The following OR52N4 variants were observed in gnomAD, a reference collection of about 807,000 sequenced individuals.
OR52N4 encodes olfactory receptor 52N4.
In OR52N4, 15 loss-of-function variants were observed where a neutral mutation model predicts 15.0. The observed-to-expected ratio is 1.00, with a 90% CI of 0.67 to 1.54. OR52N4 has a LOEUF of 1.54. OR52N4 is among the 40% of genes most tolerant of loss of function. The probability of loss-of-function intolerance (pLI) is 0.00; values close to 1 mark genes in which losing one functional copy is unlikely to be tolerated. For synonymous variants in OR52N4, 143 were observed against 143.7 expected, an observed-to-expected ratio of 1.00 and a Z score of 0.03; for missense variants, 421 against 394.0, an observed-to-expected ratio of 1.07 and a Z score of -0.58.
the OR52N4 span, chr11:5,736,095 A>G: frequency 5.8e-6 from 1 of 171,110 alleles, no homozygotes; most frequent in Non-Finnish European, 1.3e-5. Flanking sequence ...ACTTCCTTTT[A>G]AGCTACTCTT....
chr11:5,745,836 T>C, the OR52N4 span, among the ~76,000 whole-genome samples: 1 of 152,216 alleles, frequency 6.6e-6, no homozygotes, highest in South Asian at 2.1e-4. Context: ...TCAGGTAACA[T>C]CACATTACTT....
At chr11:5,730,189 ATTT>A in the OR52N4 span, among the ~76,000 whole-genome samples, 48 of 110,166 alleles carry the variant, frequency 4.4e-4, no homozygotes, top group African/African-American at 1.3e-3. Context: ...AGCAGTAACC[ATTT>A]TTTTTTTTTT....
chr11:5,741,052 G>T, the OR52N4 span, among the ~76,000 whole-genome samples: 4 of 70,770 alleles, frequency 5.7e-5, 2 homozygotes, highest in African/African-American at 1.9e-4. Flanking sequence ...ACACTCTCAT[G>T]CAGGAAGATA....
the OR52N4 span, among the ~76,000 whole-genome samples, chr11:5,729,494 G>T: frequency 2.4e-3 from 372 of 152,158 alleles, 1 homozygote; most frequent in African/African-American, 8.6e-3. Context: ...TTACTTTTGT[G>T]TTCTCCAAAT....
At chr11:5,735,538 G>T in the OR52N4 span, among the ~76,000 whole-genome samples, 8 of 151,990 alleles carry the variant, frequency 5.3e-5, no homozygotes, top group Admixed American at 5.2e-4. Context: ...CAGGCAGGTT[G>T]CAGAAAGCAT....
At chr11:5,743,945 T>C in the OR52N4 span, among the ~76,000 whole-genome samples, 1 of 152,052 alleles carries the variant, frequency 6.6e-6, no homozygotes, top group African/African-American at 2.4e-5. Flanking sequence ...GAAAGTTGGT[T>C]CTTTGAAAAG....
chr11:5,733,191 C>T, the OR52N4 span, among the ~76,000 whole-genome samples: 1 of 152,144 alleles, frequency 6.6e-6, no homozygotes, highest in Non-Finnish European at 1.5e-5. Context: ...CTCCATATTG[C>T]TTTAGCATAA....
the OR52N4 span, among the ~76,000 whole-genome samples, chr11:5,746,866 T>C: frequency 1.3e-5 from 2 of 152,110 alleles, no homozygotes; most frequent in Non-Finnish European, 2.9e-5. Context: ...TGTATGATTA[T>C]CTCAGCACTA....
chr11:5,732,826 G>T, the OR52N4 span, among the ~76,000 whole-genome samples: 1 of 151,966 alleles, frequency 6.6e-6, no homozygotes, highest in East Asian at 1.9e-4. Context: ...TAATCTCTTG[G>T]ATGCTTCAAA....
At chr11:5,732,599 T>C in the OR52N4 span, among the ~76,000 whole-genome samples, 1 of 152,184 alleles carries the variant, frequency 6.6e-6, no homozygotes. Context: ...TCTTTTTCTT[T>C]CTCAACATTT....
At chr11:5,729,067 T>G in the OR52N4 span, among the ~76,000 whole-genome samples, 1 of 149,020 alleles carries the variant, frequency 6.7e-6, no homozygotes. Flanking sequence ...GACCCCGGTG[T>G]GTGATGTTCC....
chr11:5,751,627 GTCAT>G (rs1254801052), upstream of OR52N4, among the ~76,000 whole-genome samples: 1 of 152,150 alleles, frequency 6.6e-6, no homozygotes, highest in African/African-American at 2.4e-5. Context: ...TTTCGGGTGA[GTCAT>G]TCACTTTTTC....
At chr11:5,733,115 C>G in the OR52N4 span, among the ~76,000 whole-genome samples, 2 of 152,258 alleles carry the variant, frequency 1.3e-5, no homozygotes, top group East Asian at 3.9e-4. Flanking sequence ...TATATTTATT[C>G]TTGCCATGTA....
upstream of OR52N4, among the ~76,000 whole-genome samples, chr11:5,751,248 C>T (rs1236204136): frequency 6.6e-6 from 1 of 152,010 alleles, no homozygotes; most frequent in East Asian, 1.9e-4. Context: ...CTGATGAAAT[C>T]TTATACTGCA....
the OR52N4 span, among the ~76,000 whole-genome samples, chr11:5,745,293 A>G: frequency 1.3e-5 from 2 of 152,176 alleles, no homozygotes; most frequent in Non-Finnish European, 2.9e-5. Context: ...TATATGTAGA[A>G]AACCCTAAAG....
chr11:5,733,169 C>T, the OR52N4 span, among the ~76,000 whole-genome samples: 1 of 152,124 alleles, frequency 6.6e-6, no homozygotes, highest in Non-Finnish European at 1.5e-5. Context: ...TTATCCTAAA[C>T]CTTTTCAGTG....
At chr11:5,751,019 T>C (rs1854178441), upstream of OR52N4, among the ~76,000 whole-genome samples, 1 of 152,010 alleles carries the variant, frequency 6.6e-6, no homozygotes, top group African/African-American at 2.4e-5. Context: ...ATTTGTGTTA[T>C]AGAAAAACCT....
At chr11:5,730,710 A>G in the OR52N4 span, among the ~76,000 whole-genome samples, 3 of 150,896 alleles carry the variant, frequency 2.0e-5, no homozygotes, top group African/African-American at 7.3e-5. Context: ...CTTCTCACTC[A>G]TTCCAATCTA....
the OR52N4 span, chr11:5,737,141 T>G: frequency 6.2e-7 from 1 of 1,613,924 alleles, no homozygotes; most frequent in South Asian, 1.1e-5. Context: ...CATTTGCCAG[T>G]TGGTTCTGGC....
Sources: gnomAD v4.1 joint callset for allele counts (sites outside exome capture counted in the v4.1 genomes callset) on GRCh38, gnomAD v4.1.1 for gene constraint, MANE v1.5 for transcripts, NCBI Gene and HGNC (gene_info 2026-07-23, HGNC 2026-07-21) for gene names.